STRBP: variants seen among roughly 807,000 people sequenced by gnomAD.
The protein encoded by STRBP is spermatid perinuclear RNA-binding protein.
In STRBP, 13 loss-of-function variants were observed where a neutral mutation model predicts 80.1. The ratio of observed to expected loss-of-function variants is 0.16; its 90% CI spans 0.11 to 0.26. The LOEUF (loss-of-function observed/expected upper bound fraction) is 0.26. STRBP is among the 10% of genes least tolerant of loss of function. STRBP has a pLI of 1.00. For missense variants in STRBP, 485 were observed against 815.2 expected, an observed-to-expected ratio of 0.59 and a Z score of 4.93; for synonymous variants, 284 against 291.2, an observed-to-expected ratio of 0.98 and a Z score of 0.25.
chr9:123,192,858 C>T (rs186849227), intron 2 of STRBP, among the ~76,000 whole-genome samples: 2 of 152,246 alleles, frequency 1.3e-5, no homozygotes, highest in African/African-American at 4.8e-5. Flanking sequence ...CACTAATTAC[C>T]TAAGCAACTG....
intron 17 of STRBP, among the ~76,000 whole-genome samples, chr9:123,131,711 T>C: frequency 6.6e-6 from 1 of 152,212 alleles, no homozygotes; most frequent in East Asian, 1.9e-4. Context: ...TTAATCTACG[T>C]CTCACCCTTC....
downstream of STRBP, among the ~76,000 whole-genome samples, chr9:123,119,520 C>T (rs2035696576): frequency 6.6e-6 from 1 of 152,026 alleles, no homozygotes; most frequent in Non-Finnish European, 1.5e-5. Context: ...CTAGCTCTCA[C>T]CAGGTCTTTG....
downstream of STRBP, among the ~76,000 whole-genome samples, chr9:123,116,787 C>G (rs918494495): frequency 2.0e-5 from 3 of 152,156 alleles, no homozygotes; most frequent in African/African-American, 7.2e-5. Flanking sequence ...ACGGGGTGAG[C>G]GCCGCCACTC....
At chr9:123,268,201 C>G (rs2041319427) in intron 1 of STRBP, among the ~76,000 whole-genome samples, 1 of 151,866 alleles carries the variant, frequency 6.6e-6, no homozygotes, top group African/African-American at 2.4e-5. Context: ...TGCCCTTGCC[C>G]GAAGCGGCCG....
At chr9:123,139,772 T>G in intron 13 of STRBP, 85 bp from the exon 14 acceptor site, 1 of 1,404,940 alleles carries the variant, frequency 7.1e-7, no homozygotes, top group Non-Finnish European at 9.8e-7. Context: ...AAGTTTCAAA[T>G]CCATAGTGTT....
At chr9:123,249,695 A>G (rs2132626429) in intron 1 of STRBP, among the ~76,000 whole-genome samples, 1 of 152,334 alleles carries the variant, frequency 6.6e-6, no homozygotes, top group East Asian at 1.9e-4. Context: ...TTAAAAAAAT[A>G]TAAAGCAACC....
chr9:123,207,885 A>G (rs1244025195), intron 2 of STRBP, among the ~76,000 whole-genome samples: 1 of 152,240 alleles, frequency 6.6e-6, no homozygotes, highest in East Asian at 1.9e-4. Flanking sequence ...TGTTTATCAT[A>G]TTCTATTTTT....
chr9:123,236,135 G>C (rs2040554811), intron 2 of STRBP, among the ~76,000 whole-genome samples: 1 of 152,110 alleles, frequency 6.6e-6, no homozygotes, highest in East Asian at 1.9e-4. Flanking sequence ...GACTCCTCCA[G>C]CTGCTCTAAA....
chr9:123,113,172 C>T (rs1402841143), intron 3 of STRBP: 1 of 167,252 alleles, frequency 6.0e-6, no homozygotes, highest in Non-Finnish European at 1.5e-5. Context: ...CTTACAACCA[C>T]AGACATGGTC....
downstream of STRBP, among the ~76,000 whole-genome samples, chr9:123,118,205 G>A (rs533792190): frequency 9.1e-4 from 139 of 152,244 alleles, no homozygotes; most frequent in South Asian, 1.7e-3. Context: ...AAGGTAGCTG[G>A]AGAATTCAGA....
At chr9:123,258,815 A>C (rs1364245966) in intron 1 of STRBP, among the ~76,000 whole-genome samples, 1 of 151,914 alleles carries the variant, frequency 6.6e-6, no homozygotes, top group Non-Finnish European at 1.5e-5. Flanking sequence ...AAAAAAAAAA[A>C]AAAAGAATCC....
chr9:123,142,659 C>T (rs184698743), intron 13 of STRBP, among the ~76,000 whole-genome samples: 6 of 152,176 alleles, frequency 3.9e-5, no homozygotes, highest in Admixed American at 3.9e-4. Flanking sequence ...CAAATCCTCA[C>T]TTGTCCATGT....
At chr9:123,211,399 T>C (rs1051091567) in intron 2 of STRBP, among the ~76,000 whole-genome samples, 1 of 152,154 alleles carries the variant, frequency 6.6e-6, no homozygotes, top group Non-Finnish European at 1.5e-5. Flanking sequence ...GAATACAAAA[T>C]TCAGGTTTGA....
intron 3 of STRBP, chr9:123,113,651 G>C (rs2035602482): frequency 6.0e-6 from 1 of 167,264 alleles, no homozygotes; most frequent in African/African-American, 2.4e-5. Context: ...CGGAGGAGAT[G>C]CTCAGGAAGC....
intron 2 of STRBP, among the ~76,000 whole-genome samples, chr9:123,214,465 A>G (rs534568347): frequency 2.5e-3 from 385 of 152,244 alleles, no homozygotes; most frequent in Non-Finnish European, 3.3e-3. Context: ...CATATATCCA[A>G]ATACCACCTG....
chr9:123,253,614 C>T (rs1184396259), intron 1 of STRBP, among the ~76,000 whole-genome samples: 1 of 152,232 alleles, frequency 6.6e-6, no homozygotes, highest in East Asian at 1.9e-4. Flanking sequence ...ATCAGAAATA[C>T]AGTAACCACT....
chr9:123,130,908 C>T (rs570145451), intron 17 of STRBP, among the ~76,000 whole-genome samples: 1 of 152,094 alleles, frequency 6.6e-6, no homozygotes, highest in South Asian at 2.1e-4. Context: ...TTCTTCTTCC[C>T]TGCCTCCAGT....
intron 14 of STRBP, among the ~76,000 whole-genome samples, chr9:123,139,294 TA>T (rs1222996941): frequency 6.6e-6 from 1 of 152,194 alleles, no homozygotes; most frequent in Non-Finnish European, 1.5e-5. Flanking sequence ...AGTTTACAGA[TA>T]TTTTTAAAGT....
intron 2 of STRBP, among the ~76,000 whole-genome samples, chr9:123,195,142 C>CA (rs992101796): frequency 6.6e-6 from 1 of 151,950 alleles, no homozygotes; most frequent in Non-Finnish European, 1.5e-5. Context: ...CAAAACAAAA[C>CA]AAAAAACCAC....
Sources: gnomAD v4.1 joint callset for allele counts (sites outside exome capture counted in the v4.1 genomes callset) on GRCh38, gnomAD v4.1.1 for gene constraint, MANE v1.5 for transcripts, NCBI Gene and HGNC (gene_info 2026-07-23, HGNC 2026-07-21) for gene names.